Variants in RORA observed in about 807,000 individuals in gnomAD.
RORA encodes RAR related orphan receptor A, also known as nuclear receptor ROR-alpha.
Under a neutral mutation model 69.5 loss-of-function variants are expected in RORA, and 7 were observed. The observed-to-expected ratio is 0.10, with a 90% CI of 0.06 to 0.19. RORA has a LOEUF of 0.19. Among genes scored for constraint, RORA ranks in the 10% least tolerant of loss-of-function variants. The probability of loss-of-function intolerance (pLI) is 1.00; values close to 1 mark genes in which losing one functional copy is unlikely to be tolerated. For synonymous variants in RORA, 261 were observed against 240.8 expected (o/e 1.08, Z -0.78); for missense variants, 457 against 663.0 (o/e 0.69, Z 3.41).
intron 1 of RORA, among the ~76,000 whole-genome samples, chr15:61,137,930 T>G (rs139362083): frequency 6.6e-6 from 1 of 152,260 alleles, no homozygotes; most frequent in African/African-American, 2.4e-5. Flanking sequence ...ACATATAAAT[T>G]GGAAAGTTAT....
At chr15:61,171,285 T>A (rs1177538650) in intron 1 of RORA, among the ~76,000 whole-genome samples, 2 of 152,140 alleles carry the variant, frequency 1.3e-5, no homozygotes, top group East Asian at 1.9e-4. Context: ...ATCCTTGTGA[T>A]CTTGCTAGGA....
chr15:60,634,047 T>C (rs2069790180), intron 2 of RORA, among the ~76,000 whole-genome samples: 1 of 152,136 alleles, frequency 6.6e-6, no homozygotes. Flanking sequence ...TAAATATACA[T>C]GTACAGACTA....
At position 60,964,664 on chromosome 15, in the gene RORA, T is replaced by C. The variant is rs1054318123; in HGVS notation, c.166+264389A>G. Among the ~76,000 whole-genome samples the C allele has an allele frequency of 3.9e-5, 6 of 152,224 alleles. No homozygotes were observed. In the East Asian group the frequency reaches 9.6e-4, roughly 24 times the overall value. The stretch of plus-strand genomic sequence containing the variant: ...ACAGCCAGCAAGACTTGGGGTGAGA[T>C]GTCCTGCTGGCACAGCACACTGTGG... On this transcript the variant is annotated intron_variant, in intron 1 of 10. Transcript: ENST00000335670.
At chr15:60,671,168 G>A (rs529459395) in intron 2 of RORA, among the ~76,000 whole-genome samples, 57 of 149,366 alleles carry the variant, frequency 3.8e-4, no homozygotes, top group South Asian at 1.5e-3. Context: ...AAACCACTGT[G>A]TCCGGAATCA....
chr15:60,925,076 C>G (rs1042621014), intron 1 of RORA, among the ~76,000 whole-genome samples: 1 of 145,420 alleles, frequency 6.9e-6, no homozygotes, highest in Non-Finnish European at 1.5e-5. Flanking sequence ...AAGCTTCTGT[C>G]TCAAAAATAA....
chr15:60,824,780 A>G (rs527591378), intron 1 of RORA, among the ~76,000 whole-genome samples: 2 of 152,316 alleles, frequency 1.3e-5, no homozygotes, highest in Admixed American at 1.3e-4. Context: ...ACCAAACCTA[A>G]TCTCAACTCA....
At chr15:60,986,848 C>T (rs914617038) in intron 1 of RORA, among the ~76,000 whole-genome samples, 5 of 152,240 alleles carry the variant, frequency 3.3e-5, no homozygotes, top group African/African-American at 1.2e-4. Flanking sequence ...GAAGTATCTG[C>T]TCTGTCTCAG....
At chr15:60,744,085 C>CTT (rs149806580) in intron 1 of RORA, among the ~76,000 whole-genome samples, 3 of 140,996 alleles carry the variant, frequency 2.1e-5, no homozygotes, top group Non-Finnish European at 3.1e-5. Flanking sequence ...GGGAAACTTC[C>CTT]TTTTTTTTTT....
At chr15:60,983,096 T>C (rs1894095890) in intron 1 of RORA, among the ~76,000 whole-genome samples, 1 of 152,132 alleles carries the variant, frequency 6.6e-6, no homozygotes, top group Non-Finnish European at 1.5e-5. Flanking sequence ...ACCAACTGAA[T>C]GGCCCCTCCT....
chr15:60,904,882 TGAA>T (rs1567231859), intron 1 of RORA, among the ~76,000 whole-genome samples: 1 of 152,072 alleles, frequency 6.6e-6, no homozygotes, highest in Non-Finnish European at 1.5e-5. Flanking sequence ...AGGCCAATGT[TGAA>T]GACATTGATA....
chr15:60,662,717 A>C (rs2070322543), intron 2 of RORA, among the ~76,000 whole-genome samples: 1 of 152,094 alleles, frequency 6.6e-6, no homozygotes, highest in Non-Finnish European at 1.5e-5. Context: ...ATATTTTATT[A>C]GTTTAAATCC....
chr15:60,815,236 A>G (rs542193730), intron 1 of RORA, among the ~76,000 whole-genome samples: 1 of 151,950 alleles, frequency 6.6e-6, no homozygotes, highest in Non-Finnish European at 1.5e-5. Flanking sequence ...ACTTGGAATA[A>G]TAATAATAGT....
intron 1 of RORA, among the ~76,000 whole-genome samples, chr15:61,012,096 T>C (rs1895106014): frequency 6.6e-6 from 1 of 152,226 alleles, no homozygotes; most frequent in Non-Finnish European, 1.5e-5. Context: ...AAACATGATT[T>C]TGATGTGCCC....
At chr15:60,620,110 C>T (rs932405954) in intron 2 of RORA, among the ~76,000 whole-genome samples, 1 of 152,222 alleles carries the variant, frequency 6.6e-6, no homozygotes, top group Non-Finnish European at 1.5e-5. Flanking sequence ...AACTCTGTTG[C>T]TTTAGAGTGA....
intron 1 of RORA, among the ~76,000 whole-genome samples, chr15:61,199,908 T>A (rs2079879571): frequency 6.6e-6 from 1 of 152,150 alleles, no homozygotes; most frequent in Admixed American, 6.5e-5. Context: ...GGGACTGGGA[T>A]ACACCTGGGT....
At chr15:61,098,253 C>CT (rs1422689186) in intron 1 of RORA, among the ~76,000 whole-genome samples, 1 of 147,746 alleles carries the variant, frequency 6.8e-6, no homozygotes, top group African/African-American at 2.5e-5. Context: ...TCCCTCCCCC[C>CT]TTTTTTTCTC....
At chr15:60,759,452 A>T (rs1474951047) in intron 1 of RORA, among the ~76,000 whole-genome samples, 1 of 152,202 alleles carries the variant, frequency 6.6e-6, no homozygotes, top group African/African-American at 2.4e-5. Context: ...TGAATACATC[A>T]TCAAACGGGG....
chr15:60,832,167 A>T (rs1294951538), intron 1 of RORA, among the ~76,000 whole-genome samples: 1 of 152,322 alleles, frequency 6.6e-6, no homozygotes, highest in East Asian at 1.9e-4. Flanking sequence ...GCTTAGTGCA[A>T]CTTGGTGACA....
At chr15:60,873,916 G>C (rs1356393568) in intron 1 of RORA, among the ~76,000 whole-genome samples, 2 of 152,206 alleles carry the variant, frequency 1.3e-5, no homozygotes, top group Admixed American at 6.5e-5. Context: ...AATACAGAAT[G>C]CAAAGCAGTC....
Sources: gnomAD v4.1 joint callset for allele counts (sites outside exome capture counted in the v4.1 genomes callset) on GRCh38, gnomAD v4.1.1 for gene constraint, MANE v1.5 for transcripts, NCBI Gene and HGNC (gene_info 2026-07-23, HGNC 2026-07-21) for gene names.